UGCG: variants seen among roughly 807,000 people sequenced by gnomAD.
The protein encoded by UGCG is ceramide glucosyltransferase.
A neutral mutation model predicts 49.5 loss-of-function variants in UGCG; 10 were observed. That is an observed-to-expected ratio of 0.20 (90% CI 0.12 to 0.34). UGCG has a LOEUF of 0.34. UGCG is among the 10% of genes least tolerant of loss of function. The pLI is 1.00. For missense variants in UGCG, 312 were observed against 483.7 expected (o/e 0.65, Z 3.33); for synonymous variants, 182 against 158.2 (o/e 1.15, Z -1.13).
chr9:111,902,800 C>CTTT (rs1837802675), intron 1 of UGCG, among the ~76,000 whole-genome samples: 1 of 148,660 alleles, frequency 6.7e-6, no homozygotes. Flanking sequence ...TTTTTTGAGA[C>CTTT]AGAGTCTCAT....
chr9:111,918,570 A>G (rs1838152757), intron 2 of UGCG, among the ~76,000 whole-genome samples: 1 of 152,226 alleles, frequency 6.6e-6, no homozygotes, highest in Non-Finnish European at 1.5e-5. Context: ...AGTCTCATTT[A>G]CACTCTGGCT....
At chr9:111,900,929 T>C (rs1837757794) in intron 1 of UGCG, among the ~76,000 whole-genome samples, 2 of 152,162 alleles carry the variant, frequency 1.3e-5, no homozygotes, top group Middle Eastern at 3.4e-3. Context: ...CGATCACGGC[T>C]TCACATCCCA....
chr9:111,902,544 A>G (rs1352604022), intron 1 of UGCG, among the ~76,000 whole-genome samples: 1 of 152,266 alleles, frequency 6.6e-6, no homozygotes, highest in African/African-American at 2.4e-5. Flanking sequence ...AATTGCTGGC[A>G]TGGACTATGT....
At chr9:111,898,811 G>C (rs558368199) in intron 1 of UGCG, among the ~76,000 whole-genome samples, 1 of 152,304 alleles carries the variant, frequency 6.6e-6, no homozygotes, top group South Asian at 2.1e-4. Context: ...GTGAGAGAGA[G>C]AGAAGGAGGG....
intron 1 of UGCG, among the ~76,000 whole-genome samples, chr9:111,904,079 G>GC (rs113159405): frequency 0.46 from 70,134 of 152,008 alleles, 16,523 homozygotes; most frequent in African/African-American, 0.53. Flanking sequence ...GAGAATGATT[G>GC]CCCCAGGCTG....
intron 1 of UGCG, among the ~76,000 whole-genome samples, chr9:111,905,010 A>G (rs768523263): frequency 5.9e-5 from 9 of 152,204 alleles, no homozygotes; most frequent in Admixed American, 2.0e-4. Context: ...GCAGTGAGCT[A>G]TGATTGCCAC....
intron 1 of UGCG, 140 bp from the exon 2 acceptor site, chr9:111,914,465 T>C (rs538697442): frequency 1.2e-6 from 1 of 810,312 alleles, no homozygotes; most frequent in Non-Finnish European, 1.9e-6. Flanking sequence ...CTTCCCTTCA[T>C]GTTTAGATCC....
intron 4 of UGCG, among the ~76,000 whole-genome samples, chr9:111,925,548 G>A (rs1269587361): frequency 6.6e-6 from 1 of 152,202 alleles, no homozygotes; most frequent in African/African-American, 2.4e-5. Context: ...AGTAGTAAAA[G>A]CAAAAATATC....
In UGCG at chr9:111,932,742, A is replaced by G. The variant is rs1013589263; in HGVS notation, c.1015-85A>G. On this transcript the variant is annotated intron_variant, in intron 8 of 8. Coordinates refer to ENST00000374279, the MANE Select transcript of UGCG (RefSeq NM_003358.3). ...TTGATTTTACATAGTATACTTAGAAAAGTGAAATCCAAGAATTTAATTTTT... is the reference window on the plus strand; with the variant it reads ...TTGATTTTACATAGTATACTTAGAAGAGTGAAATCCAAGAATTTAATTTTT... 6 of 1,301,692 alleles carry G rather than the reference A, an allele frequency of 4.6e-6. No individual in the cohort carries two copies. In the African/African-American group the frequency reaches 8.9e-5, roughly 19 times the overall value. The allele number at this position is 1,301,692 out of a possible 1,614,324, so 80.6% of individuals were successfully genotyped here.
intron 4 of UGCG, among the ~76,000 whole-genome samples, chr9:111,925,924 T>C (rs1355772667): frequency 6.6e-6 from 1 of 152,236 alleles, no homozygotes; most frequent in Non-Finnish European, 1.5e-5. Context: ...TACAGATCTC[T>C]GTTCAATATA....
intron 2 of UGCG, among the ~76,000 whole-genome samples, chr9:111,918,705 G>A (rs10817239): frequency 0.44 from 66,345 of 151,692 alleles, 15,533 homozygotes; most frequent in African/African-American, 0.62. Context: ...AGGCCGAGGC[G>A]GGCGGATCAC....
intron 4 of UGCG, among the ~76,000 whole-genome samples, chr9:111,926,154 T>C (rs748363526): frequency 6.6e-6 from 1 of 152,220 alleles, no homozygotes; most frequent in Non-Finnish European, 1.5e-5. Flanking sequence ...AGTAGGTATA[T>C]ACTGGGCTAA....
At chr9:111,930,754 C>G (rs1400632161) in intron 6 of UGCG, among the ~76,000 whole-genome samples, 1 of 152,208 alleles carries the variant, frequency 6.6e-6, no homozygotes. Context: ...AGGCATGAGC[C>G]ACTGCATCCA....
chr9:111,927,182 C>T (rs941963120), intron 5 of UGCG, among the ~76,000 whole-genome samples: 5 of 151,926 alleles, frequency 3.3e-5, no homozygotes, highest in Non-Finnish European at 5.9e-5. Context: ...TCAAAAGAAC[C>T]TTTTTAAAAT....
chr9:111,919,139 A>G (rs1838170967), intron 2 of UGCG, among the ~76,000 whole-genome samples: 1 of 152,172 alleles, frequency 6.6e-6, no homozygotes, highest in Non-Finnish European at 1.5e-5. Flanking sequence ...ATTGTACTTT[A>G]TGGAATTGCA....
chr9:111,923,689 A>G (rs554949825), intron 3 of UGCG, among the ~76,000 whole-genome samples: 45 of 151,726 alleles, frequency 3.0e-4, no homozygotes, highest in Non-Finnish European at 5.9e-4. Context: ...CTGGAGTGCA[A>G]TGGCACAATT....
rs1837680941 is a variant in UGCG, at chr9:111,897,267, C to T, written c.52C>T (p.Leu18Phe). 3 of 1,560,632 alleles carry T rather than the reference C, an allele frequency of 1.9e-6. No homozygotes were observed. Among genetic ancestry groups the T allele is most frequent in the Non-Finnish European group, 2.6e-6 (3 of 1,152,628 alleles). Residue 18 changes from leucine (L) to phenylalanine (F), a missense_variant, in exon 1 of 9, where the codon CTC becomes TTC. Physicochemically the swap from Leu to Phe is conservative, Grantham distance 22 (BLOSUM62 0). Coordinates refer to ENST00000374279, the MANE Select transcript of UGCG (RefSeq NM_003358.3). ...LEGMAVFGFV[L>F]FLVLWLMHFM... ...GGGAATGGCCGTCTTCGGGTTCGTC[C>T]TCTTCTTGGTGCTGTGGCTGATGCA...
chr9:111,908,468 A>G (rs1256300714), intron 1 of UGCG, among the ~76,000 whole-genome samples: 1 of 152,226 alleles, frequency 6.6e-6, no homozygotes, highest in Admixed American at 6.5e-5. Flanking sequence ...GGTTCTGCTA[A>G]TACTGTTTTT....
rs973136990 is a variant in UGCG, at chr9:111,933,526, T to C, written c.*529T>C. 1 of 152,140 alleles carries C rather than the reference T, an allele frequency of 6.6e-6. No homozygotes were observed. Among genetic ancestry groups the C allele is most frequent in the Non-Finnish European group, 1.5e-5 (1 of 68,020 alleles). 9.4% of individuals were successfully genotyped at this position (152,140 alleles called of 1,614,324 possible). A position where few individuals can be genotyped will look rare whatever the true frequency, so the allele number is the denominator to read the frequency against. Reference sequence around the variant, plus strand: ...TTTCATGCTTTATGCCTACCTCTTGTAGTTGTTGCAGAGCAAATATAAATT... The same window carrying C: ...TTTCATGCTTTATGCCTACCTCTTGCAGTTGTTGCAGAGCAAATATAAATT... On this transcript the variant is annotated 3_prime_UTR_variant, in exon 9 of 9. Transcript: ENST00000374279.
Sources: gnomAD v4.1 joint callset for allele counts (sites outside exome capture counted in the v4.1 genomes callset) on GRCh38, gnomAD v4.1.1 for gene constraint, MANE v1.5 for transcripts, NCBI Gene and HGNC (gene_info 2026-07-23, HGNC 2026-07-21) for gene names.